The following DACH2 variants were observed in gnomAD, a reference collection of about 807,000 sequenced individuals.
DACH2 encodes the protein dachshund family transcription factor 2.
In DACH2, 17 loss-of-function variants were observed where a neutral mutation model predicts 35.8. The observed-to-expected ratio is 0.48, with a 90% confidence interval of 0.33 to 0.71. The LOEUF is 0.71. Ranked by LOEUF, DACH2 falls within the 30% of genes least tolerant of loss-of-function variation. DACH2 has a pLI of 0.02. For missense variants in DACH2, 469 were observed against 472.7 expected (o/e 0.99, Z 0.07); for synonymous variants, 195 against 177.3 (o/e 1.10, Z -0.79).
rs192956089 is a variant in DACH2, at chrX:86,182,031, T to C, written c.488+32923T>C. Among the ~76,000 whole-genome samples the C allele has an allele frequency of 5.0e-3, 563 of 111,937 alleles. 2 individuals carry two copies. Among genetic ancestry groups the C allele is most frequent in the Non-Finnish European group, 8.5e-3 (451 of 53,160 alleles). On this transcript the variant is annotated intron_variant, in intron 1 of 11. Transcript: ENST00000373125. Reference sequence around the variant, plus strand: ...TCCTTCACCCACTTTTTGATGGGGTTGTTTGTTTTTTTCTTGCAAATTTGT... The same window carrying C: ...TCCTTCACCCACTTTTTGATGGGGTCGTTTGTTTTTTTCTTGCAAATTTGT...
intron 5 of DACH2, among the ~76,000 whole-genome samples, chrX:86,707,932 T>TAAAAAAAAAAAAAAAAAAAAAAA (rs2041237438): frequency 1.2e-4 from 3 of 24,364 alleles, no homozygotes; most frequent in African/African-American, 7.3e-4. Flanking sequence ...AAAAAAAAAT[T>TAAAAAAAAAAAAAAAAAAAAAAA]ACACACCATG....
At chrX:86,392,477 AG>A (rs1167825117) in intron 2 of DACH2, among the ~76,000 whole-genome samples, 1 of 111,935 alleles carries the variant, frequency 8.9e-6, no homozygotes, top group Non-Finnish European at 1.9e-5. Flanking sequence ...TAAGAGAAAA[AG>A]TTAGGCTGAA....
intron 1 of DACH2, among the ~76,000 whole-genome samples, chrX:86,248,857 A>G (rs2033341781): frequency 9.0e-6 from 1 of 111,112 alleles, no homozygotes. Flanking sequence ...ACACAGAATG[A>G]TAGAACGTAA....
intron 4 of DACH2, among the ~76,000 whole-genome samples, chrX:86,677,677 A>C (rs1218680615): frequency 8.9e-6 from 1 of 112,022 alleles, no homozygotes; most frequent in Non-Finnish European, 1.9e-5. Context: ...GAGTTATCAG[A>C]AGTGAAAAGT....
intron 1 of DACH2, among the ~76,000 whole-genome samples, chrX:86,228,032 T>C (rs193016297): frequency 9.0e-6 from 1 of 110,515 alleles, no homozygotes; most frequent in East Asian, 2.8e-4. Flanking sequence ...GTAAGTTCTT[T>C]AGTGGAGATT....
At chrX:86,316,544 T>G (rs9699349) in intron 1 of DACH2, among the ~76,000 whole-genome samples, 16,425 of 110,917 alleles carry the variant, frequency 0.15, 1,224 homozygotes, top group African/African-American at 0.27. Flanking sequence ...ACTTGAACTG[T>G]CTACCCAAAT....
intron 1 of DACH2, among the ~76,000 whole-genome samples, chrX:86,224,875 C>G: frequency 9.0e-6 from 1 of 110,754 alleles, no homozygotes; most frequent in South Asian, 3.8e-4. Flanking sequence ...TAATGCAACC[C>G]CTGCTCAATT....
intron 3 of DACH2, among the ~76,000 whole-genome samples, chrX:86,601,670 T>C (rs183045222): frequency 1.4e-3 from 161 of 112,385 alleles, no homozygotes; most frequent in South Asian, 6.5e-3. Flanking sequence ...TATTGCACAT[T>C]GTATTAATAT....
chrX:86,461,504 G>A (rs746853197), intron 2 of DACH2, among the ~76,000 whole-genome samples: 3 of 110,712 alleles, frequency 2.7e-5, no homozygotes, highest in Non-Finnish European at 5.7e-5. Context: ...ATTTACTTAT[G>A]GCTAGAAAAG....
chrX:86,403,279 T>A (rs753529966), intron 2 of DACH2, among the ~76,000 whole-genome samples: 33 of 111,825 alleles, frequency 3.0e-4, no homozygotes, highest in African/African-American at 1.1e-3. Flanking sequence ...ATTCACAAAC[T>A]ATGCATCTGT....
intron 2 of DACH2, among the ~76,000 whole-genome samples, chrX:86,450,459 A>T (rs1487784165): frequency 9.0e-6 from 1 of 110,687 alleles, no homozygotes; most frequent in Non-Finnish European, 1.9e-5. Context: ...CATTTTCTTT[A>T]TCCAGTCTAT....
At chrX:86,556,432 T>C (rs1403763648) in intron 3 of DACH2, among the ~76,000 whole-genome samples, 1 of 110,437 alleles carries the variant, frequency 9.1e-6, no homozygotes, top group African/African-American at 3.3e-5. Flanking sequence ...GTGCCAAATA[T>C]AACTGGCTTT....
intron 2 of DACH2, among the ~76,000 whole-genome samples, chrX:86,403,577 C>G (rs2036472379): frequency 9.0e-6 from 1 of 111,707 alleles, no homozygotes; most frequent in Admixed American, 9.5e-5. Flanking sequence ...GAAGAGGGAA[C>G]ACTTATGCAC....
At chrX:86,235,399 C>T (rs750350146) in intron 1 of DACH2, among the ~76,000 whole-genome samples, 6 of 112,447 alleles carry the variant, frequency 5.3e-5, no homozygotes, top group East Asian at 5.6e-4. Flanking sequence ...TGCTATTTCA[C>T]GTCTTTACAC....
chrX:86,669,919 T>C (rs2040744845), intron 4 of DACH2, among the ~76,000 whole-genome samples: 1 of 110,929 alleles, frequency 9.0e-6, no homozygotes, highest in African/African-American at 3.3e-5. Context: ...TTAAATGGTA[T>C]GTAACACTGT....
intron 2 of DACH2, among the ~76,000 whole-genome samples, chrX:86,412,524 A>G (rs888933889): frequency 2.2e-4 from 25 of 111,719 alleles, no homozygotes; most frequent in Non-Finnish European, 3.8e-5. Flanking sequence ...GATGATGGGG[A>G]ATATGGTAAG....
chrX:86,396,524 C>T (rs2036297223), intron 2 of DACH2, among the ~76,000 whole-genome samples: 2 of 101,886 alleles, frequency 2.0e-5, no homozygotes, highest in South Asian at 4.7e-4. Context: ...GGTTTTAGGT[C>T]TAACATTTAA....
chrX:86,639,849 G>A (rs183896412), intron 3 of DACH2, among the ~76,000 whole-genome samples: 1 of 111,445 alleles, frequency 9.0e-6, no homozygotes, highest in Admixed American at 9.5e-5. Flanking sequence ...AACATGGTCA[G>A]ACTGCTGCTT....
chrX:86,170,400 G>A (rs1352960445), intron 1 of DACH2, among the ~76,000 whole-genome samples: 1 of 111,811 alleles, frequency 8.9e-6, no homozygotes, highest in East Asian at 2.8e-4. Context: ...GGGTGACAAA[G>A]CCAGCATGAC....
Sources: allele counts gnomAD v4.1 joint callset (sites outside exome capture counted in the v4.1 genomes callset), GRCh38; gene constraint gnomAD v4.1.1; transcripts MANE v1.5; gene names NCBI Gene and HGNC (gene_info 2026-07-23, HGNC 2026-07-21).